SH3GL3: variants seen among roughly 807,000 people sequenced by gnomAD.
SH3GL3 encodes SH3 domain containing GRB2 like 3, endophilin A3.
In SH3GL3, 33 loss-of-function variants were observed where a neutral mutation model predicts 47.7. The ratio of observed to expected loss-of-function variants is 0.69; its 90% confidence interval spans 0.52 to 0.92. SH3GL3 has a LOEUF of 0.92. SH3GL3 is among the 40% of genes least tolerant of loss of function. The pLI is 0.00. For missense variants in SH3GL3, 363 were observed against 417.8 expected (o/e 0.87, Z 1.14); for synonymous variants, 155 against 148.8 (o/e 1.04, Z -0.30).
At chr15:83,630,506 T>C in the SH3GL3 span, among the ~76,000 whole-genome samples, 1 of 152,154 alleles carries the variant, frequency 6.6e-6, no homozygotes, top group East Asian at 1.9e-4. Flanking sequence ...AGAGGTTTAA[T>C]TGACTCACAG....
intron 1 of SH3GL3, among the ~76,000 whole-genome samples, chr15:83,519,208 T>C (rs1295838104): frequency 6.6e-6 from 1 of 152,180 alleles, no homozygotes; most frequent in East Asian, 1.9e-4. Context: ...CTGTGAAAAA[T>C]GATGTTGCTA....
Position 83,611,223 on chromosome 15 carries a change from G to A in SH3GL3, c.839-6859G>A, listed in dbSNP as rs187491100. ...CTGATACAGTACTTACTGACCAGCCGTCTTAAACTCTTGTGGTAGGGTCTC... is the reference window on the plus strand; with the variant it reads ...CTGATACAGTACTTACTGACCAGCCATCTTAAACTCTTGTGGTAGGGTCTC... On this transcript the variant is annotated intron_variant, in intron 8 of 8. Transcript: ENST00000427482. Among the ~76,000 whole-genome samples the A allele has an allele frequency of 2.5e-4, 38 of 151,136 alleles. 1 individual carries two copies. The highest frequency in any genetic ancestry group is 6.1e-4 in the African/African-American group (25 of 40,980).
chr15:83,482,359 G>A (rs2041395785), intron 1 of SH3GL3, among the ~76,000 whole-genome samples: 1 of 152,114 alleles, frequency 6.6e-6, no homozygotes, highest in Non-Finnish European at 1.5e-5. Flanking sequence ...GGGATATAAA[G>A]TAGGCTTTAC....
At chr15:83,601,200 TC>T (rs1470018773) in intron 8 of SH3GL3, among the ~76,000 whole-genome samples, 2 of 152,182 alleles carry the variant, frequency 1.3e-5, no homozygotes, top group Non-Finnish European at 2.9e-5. Flanking sequence ...CTTTCTCTTG[TC>T]TGATTGCTTT....
intron 4 of SH3GL3, among the ~76,000 whole-genome samples, chr15:83,570,333 T>G (rs1209667256): frequency 6.6e-6 from 1 of 152,162 alleles, no homozygotes; most frequent in African/African-American, 2.4e-5. Flanking sequence ...TTTATGGTCT[T>G]TCTCTTCCGT....
At chr15:83,470,181 T>C (rs1205102169) in intron 1 of SH3GL3, among the ~76,000 whole-genome samples, 3 of 152,202 alleles carry the variant, frequency 2.0e-5, no homozygotes, top group Non-Finnish European at 4.4e-5. Context: ...AATATATACA[T>C]TTTTTGACTT....
intron 1 of SH3GL3, among the ~76,000 whole-genome samples, chr15:83,489,998 C>A (rs968620338): frequency 6.6e-6 from 1 of 152,092 alleles, no homozygotes; most frequent in Non-Finnish European, 1.5e-5. Context: ...TAAAAGGGAA[C>A]CAAATACTGT....
intron 1 of SH3GL3, among the ~76,000 whole-genome samples, chr15:83,545,034 C>A (rs1407352608): frequency 6.6e-6 from 1 of 151,842 alleles, no homozygotes; most frequent in Non-Finnish European, 1.5e-5. Context: ...GTGTTCTATA[C>A]CCTTTTTGTA....
chr15:83,449,116 G>A (rs1273483398), intron 1 of SH3GL3, among the ~76,000 whole-genome samples: 3 of 152,182 alleles, frequency 2.0e-5, no homozygotes, highest in Admixed American at 6.5e-5. Context: ...CGAGTTAAAG[G>A]CAGACTCTAG....
At chr15:83,547,073 T>G (rs138505589) in intron 1 of SH3GL3, among the ~76,000 whole-genome samples, 1 of 152,298 alleles carries the variant, frequency 6.6e-6, no homozygotes, top group East Asian at 1.9e-4. Flanking sequence ...TTTCCTGGGT[T>G]GCATGCACCC....
chr15:83,580,631 A>T (rs1019431131), intron 6 of SH3GL3, among the ~76,000 whole-genome samples: 2 of 152,280 alleles, frequency 1.3e-5, no homozygotes, highest in African/African-American at 4.8e-5. Flanking sequence ...TGTAAAATAC[A>T]GACCTCCTGG....
intron 8 of SH3GL3, among the ~76,000 whole-genome samples, chr15:83,614,874 C>T (rs1417932443): frequency 6.6e-6 from 1 of 152,184 alleles, no homozygotes; most frequent in Non-Finnish European, 1.5e-5. Flanking sequence ...AATGCTGTCA[C>T]CTCTCTACCC....
chr15:83,536,758 T>C (rs2043929840), intron 1 of SH3GL3, among the ~76,000 whole-genome samples: 1 of 152,084 alleles, frequency 6.6e-6, no homozygotes, highest in African/African-American at 2.4e-5. Context: ...TTTTATTGAG[T>C]TTTCCTCCTT....
intron 1 of SH3GL3, among the ~76,000 whole-genome samples, chr15:83,524,178 T>G (rs1021960589): frequency 6.6e-6 from 1 of 152,180 alleles, no homozygotes; most frequent in Admixed American, 6.5e-5. Flanking sequence ...AAGTTTTTAT[T>G]TGCAAGGTGT....
At position 83,573,921 on chromosome 15, in the gene SH3GL3, A is replaced by T. The variant is rs1306054248; in HGVS notation, c.465+1223A>T. ...GTAAACAGATACCATGCACTTTGACAGTTGTTGGAGAGATGAGCCCAGGGA... is the reference window on the plus strand; with the variant it reads ...GTAAACAGATACCATGCACTTTGACTGTTGTTGGAGAGATGAGCCCAGGGA... On this transcript the variant is annotated intron_variant, in intron 5 of 8. Coordinates refer to ENST00000427482, the MANE Select transcript of SH3GL3 (RefSeq NM_003027.5). Among the ~76,000 whole-genome samples the T allele has an allele frequency of 2.0e-5, 3 of 152,246 alleles. No homozygotes were observed. In the East Asian group the frequency reaches 5.8e-4, roughly 29 times the overall value.
At chr15:83,597,692 C>G (rs1253377307) in intron 8 of SH3GL3, among the ~76,000 whole-genome samples, 2 of 151,864 alleles carry the variant, frequency 1.3e-5, no homozygotes, top group African/African-American at 4.8e-5. Context: ...TCACTGCAAC[C>G]TCCGCCTCCC....
intron 2 of SH3GL3, among the ~76,000 whole-genome samples, chr15:83,562,737 G>A (rs551130230): frequency 6.6e-6 from 1 of 152,228 alleles, no homozygotes; most frequent in South Asian, 2.1e-4. Context: ...CAAAGGCAAG[G>A]TACAGGACTC....
At chr15:83,466,247 G>GGAT (rs1439237958) in intron 1 of SH3GL3, among the ~76,000 whole-genome samples, 1 of 152,120 alleles carries the variant, frequency 6.6e-6, no homozygotes, top group East Asian at 1.9e-4. Flanking sequence ...TCCATGGTAT[G>GGAT]GATGTATCAC....
At chr15:83,548,205 A>G (rs1332005700) in intron 1 of SH3GL3, among the ~76,000 whole-genome samples, 6 of 151,820 alleles carry the variant, frequency 4.0e-5, no homozygotes, top group South Asian at 2.1e-4. Flanking sequence ...ACATACATTT[A>G]AAACCTCACA....
Sources: allele counts gnomAD v4.1 joint callset (sites outside exome capture counted in the v4.1 genomes callset), GRCh38; gene constraint gnomAD v4.1.1; transcripts MANE v1.5; gene names NCBI Gene and HGNC (gene_info 2026-07-23, HGNC 2026-07-21).